The following OLAH variants were observed in gnomAD, a reference collection of about 807,000 sequenced individuals.
OLAH encodes S-acyl fatty acid synthase thioesterase, medium chain.
OLAH carries 33 observed loss-of-function variants against 27.8 expected under a neutral mutation model. The ratio of observed to expected loss-of-function variants is 1.19; its 90% confidence interval spans 0.90 to 1.59. The LOEUF (loss-of-function observed/expected upper bound fraction) is 1.59. Among genes scored for constraint, OLAH ranks in the 40% most tolerant of loss-of-function variants. OLAH has a pLI of 0.00. For missense variants in OLAH, 359 were observed against 310.8 expected, an observed-to-expected ratio of 1.16 and a Z score of -1.17; for synonymous variants, 120 against 102.9, an observed-to-expected ratio of 1.17 and a Z score of -1.01.
At chr10:15,043,005 C>T (rs192011337), upstream of OLAH, among the ~76,000 whole-genome samples, 443 of 151,856 alleles carry the variant, frequency 2.9e-3, 3 homozygotes, top group African/African-American at 0.01. Flanking sequence ...GGACTACAGG[C>T]GCCCGCCACC....
At chr10:15,053,789 A>C (rs1386415454) in intron 3 of OLAH, among the ~76,000 whole-genome samples, 1 of 151,218 alleles carries the variant, frequency 6.6e-6, no homozygotes, top group African/African-American at 2.4e-5. Context: ...ATCACAGCTC[A>C]CTGCAGCCTC....
At chr10:15,052,352 A>G (rs1304259027) in intron 3 of OLAH, among the ~76,000 whole-genome samples, 7 of 152,192 alleles carry the variant, frequency 4.6e-5, no homozygotes, top group Non-Finnish European at 7.3e-5. Context: ...CTGTTTTAGT[A>G]GATTCTTCAG....
chr10:15,059,948 T>A (rs1420306090), intron 3 of OLAH, among the ~76,000 whole-genome samples: 1 of 152,214 alleles, frequency 6.6e-6, no homozygotes, highest in Non-Finnish European at 1.5e-5. Context: ...TTTTCATTGT[T>A]TATTCTGTTT....
chr10:15,065,445 C>A (rs1844448124), intron 5 of OLAH, 139 bp from the exon 6 acceptor site: 1 of 826,882 alleles, frequency 1.2e-6, no homozygotes, highest in Non-Finnish European at 1.8e-6. Context: ...CGACATAGTT[C>A]TTTCCTGAAG....
chr10:15,056,001 C>T (rs930074811), intron 3 of OLAH, among the ~76,000 whole-genome samples: 6 of 152,060 alleles, frequency 3.9e-5, no homozygotes, highest in Non-Finnish European at 8.8e-5. Context: ...AGGCATGTAC[C>T]ACTATGCCCA....
intron 6 of OLAH, among the ~76,000 whole-genome samples, chr10:15,069,148 C>T (rs960507849): frequency 4.6e-5 from 7 of 152,140 alleles, no homozygotes; most frequent in African/African-American, 1.4e-4. Context: ...GTAGCGTCCC[C>T]GTGCCTGGGT....
intron 2 of OLAH, among the ~76,000 whole-genome samples, chr10:15,049,212 C>T (rs1208398484): frequency 6.9e-6 from 1 of 145,956 alleles, no homozygotes; most frequent in African/African-American, 2.5e-5. Flanking sequence ...TAGCTCTCTG[C>T]ACCCTCAAAC....
intron 3 of OLAH, among the ~76,000 whole-genome samples, chr10:15,050,748 A>G (rs1844120866): frequency 6.6e-6 from 1 of 151,446 alleles, no homozygotes; most frequent in Admixed American, 6.6e-5. Flanking sequence ...TCACTGTGTT[A>G]GCCAGGATGG....
At chr10:15,068,744 G>T (rs993362380) in intron 6 of OLAH, among the ~76,000 whole-genome samples, 3 of 152,148 alleles carry the variant, frequency 2.0e-5, no homozygotes. Context: ...AAACAGTAGA[G>T]ACTGAAGGTA....
chr10:15,072,990 G>A lies in OLAH; in HGVS notation c.656-97G>A, dbSNP rs114002468. 2,243 of 1,145,476 alleles carry A rather than the reference G, an allele frequency of 2.0e-3. 26 individuals are homozygous for A. The African/African-American group carries it at 0.031, about 16-fold the overall frequency. 71.0% of individuals were successfully genotyped at this position (1,145,476 alleles called of 1,614,324 possible). ...AGAACATAAGGCCTTGAAAGTAACC[G>A]TACTTCAGGGTGTCAGCTCTTAAAG... is the stretch of plus-strand genomic sequence containing the variant. On this transcript the variant is annotated intron_variant, in intron 7 of 7. Coordinates refer to ENST00000378228, the MANE Select transcript of OLAH (RefSeq NM_001039702.3).
chr10:15,071,637 G>T, intron 6 of OLAH, 158 bp from the exon 7 acceptor site: 2 of 979,348 alleles, frequency 2.0e-6, no homozygotes, highest in Non-Finnish European at 2.4e-6. Flanking sequence ...GGCAGGCTTT[G>T]ACAGGTAGAA....
intron 5 of OLAH, among the ~76,000 whole-genome samples, chr10:15,064,805 G>C (rs1239677116): frequency 1.3e-5 from 2 of 152,104 alleles, no homozygotes; most frequent in Non-Finnish European, 1.5e-5. Context: ...CTACAGGCGA[G>C]CACCACCACA....
upstream of OLAH, among the ~76,000 whole-genome samples, chr10:15,039,736 A>G (rs1296198497): frequency 1.3e-5 from 2 of 152,238 alleles, no homozygotes; most frequent in Admixed American, 6.5e-5. Flanking sequence ...GAAGAAGGCA[A>G]CATTTCAGGA....
chr10:15,042,212 C>T (rs929358311), upstream of OLAH, among the ~76,000 whole-genome samples: 3 of 152,110 alleles, frequency 2.0e-5, no homozygotes, highest in South Asian at 2.1e-4. Flanking sequence ...AGTGCAATGA[C>T]GTGATCTCGG....
chr10:15,062,038 T>G (rs1844378185), intron 4 of OLAH, 176 bp downstream of exon 4: 1 of 549,302 alleles, frequency 1.8e-6, no homozygotes, highest in African/African-American at 1.9e-5. Flanking sequence ...TAAGTATACC[T>G]ATTTTTTTTC....
intron 3 of OLAH, among the ~76,000 whole-genome samples, chr10:15,057,241 T>C (rs1301612793): frequency 6.6e-6 from 1 of 152,156 alleles, no homozygotes; most frequent in Non-Finnish European, 1.5e-5. Flanking sequence ...CTTTTGTATA[T>C]AGTGTGAGCT....
chr10:15,034,101 CA>C (rs67424968), intron 1 of OLAH, among the ~76,000 whole-genome samples: 50,417 of 138,828 alleles, frequency 0.36, 9,057 homozygotes, highest in East Asian at 0.61. Context: ...CAGACTCCAC[CA>C]TTTTTTTTTT....
At chr10:15,055,416 C>G (rs185913418) in intron 3 of OLAH, among the ~76,000 whole-genome samples, 22 of 152,210 alleles carry the variant, frequency 1.4e-4, no homozygotes, top group African/African-American at 5.1e-4. Flanking sequence ...CCAGCCCCAT[C>G]CTTCTTTATT....
chr10:15,041,440 G>C (rs1035070753), upstream of OLAH, among the ~76,000 whole-genome samples: 6 of 151,892 alleles, frequency 4.0e-5, no homozygotes, highest in African/African-American at 1.5e-4. Context: ...CTCCACGCCT[G>C]CCTAATTTCA....
Sources: gnomAD v4.1 joint callset for allele counts (sites outside exome capture counted in the v4.1 genomes callset) on GRCh38, gnomAD v4.1.1 for gene constraint, MANE v1.5 for transcripts, NCBI Gene and HGNC (gene_info 2026-07-23, HGNC 2026-07-21) for gene names.